Variants in ZMIZ2 observed in about 807,000 individuals in gnomAD.
ZMIZ2 encodes the protein zinc finger MIZ domain-containing protein 2.
In ZMIZ2, 26 loss-of-function variants were observed where a neutral mutation model predicts 93.9. The ratio of observed to expected loss-of-function variants is 0.28; its 90% CI spans 0.20 to 0.38. The LOEUF (loss-of-function observed/expected upper bound fraction) is 0.38, where lower values mean the gene tolerates loss of function less well. ZMIZ2 is among the 10% of genes least tolerant of loss of function. The pLI is 1.00. For missense variants in ZMIZ2, 1,023 were observed against 1,235.0 expected (o/e 0.83, Z 2.57); for synonymous variants, 485 against 516.4 (o/e 0.94, Z 0.82).
chr7:44,749,269 T>TCCC (rs1789920268), intron 1 of ZMIZ2, among the ~76,000 whole-genome samples: 1 of 152,010 alleles, frequency 6.6e-6, no homozygotes, highest in African/African-American at 2.4e-5. Context: ...CATCCAGCCC[T>TCCC]CCCCTGAGTC....
At chr7:44,759,795 T>C (rs1790982247) in intron 7 of ZMIZ2, 1 of 448,994 alleles carries the variant, frequency 2.2e-6, no homozygotes, top group Middle Eastern at 5.8e-4. Flanking sequence ...GTGTCATTCC[T>C]TCTACTTGCT....
chr7:44,766,606 C>A lies in ZMIZ2; in HGVS notation c.2598C>A (p.Gly866=), dbSNP rs888299846. The A allele has an allele frequency of 3.7e-6, 6 of 1,613,270 alleles. No individual in the cohort carries two copies. The highest frequency in any genetic ancestry group is 1.7e-5 in the Admixed American group (1 of 59,998). The stretch of plus-strand genomic sequence containing the variant: ...AACTGGCCTTCAGTCCTGCCACAGG[C>A]GTGATGGGGCCCCCCAGCATGTCTG... ...TGELAFSPAT[G]VMGPPSMSGA... The change falls in exon 18 of 19, where the codon GGC becomes GGA. Residue 866 remains glycine, a synonymous_variant. Coordinates refer to ENST00000309315, the MANE Select transcript of ZMIZ2 (RefSeq NM_031449.4). This position sits in a 1 kb window ranked among gnomAD's most constrained non-coding sequence, Gnocchi z 4.4.
rs199813267 is a variant in ZMIZ2 at position 44,766,616 on chromosome 7, C to A, written c.2608C>A (p.Pro870Thr). ...CAGTCCTGCCACAGGCGTGATGGGGCCCCCCAGCATGTCTGGAGCCGGGGA... is the reference window on the plus strand; with the variant it reads ...CAGTCCTGCCACAGGCGTGATGGGGACCCCCAGCATGTCTGGAGCCGGGGA... ...AFSPATGVMG[P>T]PSMSGAGEAP... is the part of the protein sequence containing the mutation. Residue 870 changes from proline to threonine, a missense_variant, in exon 18 of 19, where the codon CCC (proline) becomes ACC (threonine). By Grantham distance (38) the Pro-to-Thr change is conservative (BLOSUM62 -1). Around this residue, in one of 3 missense-constraint regions of ZMIZ2, gnomAD observed 319 missense variants for 358.8 expected, o/e 0.89. Coordinates refer to ENST00000309315, the MANE Select transcript of ZMIZ2 (RefSeq NM_031449.4). The surrounding 1 kb of genome is among the most constrained non-coding windows in gnomAD (Gnocchi z 4.4). The A allele has an allele frequency of 1.9e-6, 3 of 1,613,316 alleles. No homozygotes were observed. Among genetic ancestry groups the A allele is most frequent in the South Asian group, 1.1e-5 (1 of 91,078 alleles).
intron 1 of ZMIZ2, among the ~76,000 whole-genome samples, chr7:44,750,511 CAGTG>C (rs1247418609): frequency 5.9e-5 from 9 of 152,188 alleles, no homozygotes; most frequent in African/African-American, 1.2e-4. Context: ...ATCTTGGAGA[CAGTG>C]AGTCCTGATG....
At position 44,767,733 on chromosome 7, in the gene ZMIZ2, CA is replaced by C; in HGVS notation, c.*114del. The C allele has an allele frequency of 1.3e-5, 12 of 936,874 alleles. No individual in the cohort carries two copies. In the South Asian group the frequency reaches 1.7e-4, roughly 14 times the overall value. 58.0% of individuals were successfully genotyped at this position (936,874 alleles called of 1,614,324 possible). A position where few individuals can be genotyped will look rare whatever the true frequency, so the allele number is the denominator to read the frequency against. On this transcript the variant is annotated 3_prime_UTR_variant, in exon 19 of 19. Transcript: ENST00000309315. Reference sequence around the variant, plus strand: ...CCGGTGGTCTTTCCCAAACCTCCCCCAAAACACACCTGGAGCCAGAGCCTTC... The same window carrying C: ...CCGGTGGTCTTTCCCAAACCTCCCCCAAACACACCTGGAGCCAGAGCCTTC...
chr7:44,759,102 A>C lies in ZMIZ2; in HGVS notation c.814-179A>C, dbSNP rs949496886. On this transcript the variant is annotated intron_variant, in intron 6 of 18. Transcript: ENST00000309315. ...CTCAAATTAAAAAAAAAAAAAAAAA[A>C]AAAAACAGGCTTCTGCATGTGAGAA... Among the ~76,000 whole-genome samples the C allele has an allele frequency of 2.0e-5, 3 of 150,486 alleles. No homozygotes were observed. The East Asian group carries it at 5.8e-4, about 29-fold the overall frequency.
rs972935794 is a variant in ZMIZ2 at position 44,768,470 on chromosome 7, G to A, written c.*847G>A. 5.3e-5 allele frequency: 8 copies of A among 152,306 alleles called. No individual in the cohort carries two copies. The highest frequency in any genetic ancestry group is 1.4e-4 in the African/African-American group (6 of 41,464). 9.4% of individuals were successfully genotyped at this position (152,306 alleles called of 1,614,324 possible). A position where few individuals can be genotyped will look rare whatever the true frequency, so the allele number is the denominator to read the frequency against. Reference sequence around the variant, plus strand: ...AGCTCTGTGTAAAGATTCTCTAGCGGGCTGCGCTCCCAAGTTCCCCTTCTC... The same window carrying A: ...AGCTCTGTGTAAAGATTCTCTAGCGAGCTGCGCTCCCAAGTTCCCCTTCTC... On this transcript the variant is annotated 3_prime_UTR_variant, in exon 19 of 19. Transcript: ENST00000309315.
In ZMIZ2 at chr7:44,759,480, GC is replaced by G; in HGVS notation, c.993+23del. 1 of 1,458,306 alleles carries G rather than the reference GC, an allele frequency of 6.9e-7. No individual in the cohort carries two copies. Among genetic ancestry groups the G allele is most frequent in the Non-Finnish European group, 9.1e-7 (1 of 1,101,666 alleles). 90.3% of individuals were successfully genotyped at this position (1,458,306 alleles called of 1,614,324 possible). A position where few individuals can be genotyped will look rare whatever the true frequency, so the allele number is the denominator to read the frequency against. ...TATAAGGTAGGGCAGGCTCCTCCAG[GC>G]CCTGTGCCGGGCTCCGTGCTGAGTG... On this transcript the variant is annotated intron_variant, in intron 7 of 18. Coordinates refer to ENST00000309315, the MANE Select transcript of ZMIZ2 (RefSeq NM_031449.4).
At position 44,757,572 on chromosome 7, in the gene ZMIZ2, T is replaced by G. The variant is rs1197316912; in HGVS notation, c.552+11T>G. The G allele has an allele frequency of 1.3e-6, 2 of 1,577,864 alleles. No homozygotes were observed. The highest frequency in any genetic ancestry group is 1.7e-6 in the Non-Finnish European group (2 of 1,159,486). Reference sequence around the variant, plus strand: ...AGCCAGTATGGAGCGGTGAGCCCCCTCAGCAGCTCCTCCCACATGGCAGCC... The same window carrying G: ...AGCCAGTATGGAGCGGTGAGCCCCCGCAGCAGCTCCTCCCACATGGCAGCC... On this transcript the variant is annotated intron_variant, in intron 5 of 18. Transcript: ENST00000309315.
In ZMIZ2 at chr7:44,767,519, C is replaced by G. The variant is rs771729506; in HGVS notation, c.2659C>G (p.Leu887Val). ...ACAGAGTTCACTTTGTCCTCAGCTG[C>G]TCCCGGAACTGACCAACCCTGATGA... is the stretch of plus-strand genomic sequence containing the variant. Reference protein sequence around the residue: ...GEAPEPALDLLPELTNPDELL... With the variant: ...GEAPEPALDLVPELTNPDELL... Residue 887 changes from leucine to valine, a missense_variant, in exon 19 of 19, where the codon CTC (leucine) becomes GTC (valine). Leu to Val is a conservative substitution (Grantham distance 32). This residue lies in a region of ZMIZ2 where 319 missense variants were observed against 358.8 expected (regional missense o/e 0.89). Transcript: ENST00000309315. 9.9e-6 allele frequency: 16 copies of G among 1,613,884 alleles called. No individual in the cohort carries two copies. The East Asian group carries it at 3.6e-4, about 36-fold the overall frequency.
chr7:44,765,606 C>A lies in ZMIZ2; in HGVS notation c.2242+27C>A, dbSNP rs779657840. ...TAAGTACAGCAGGCTAGCCTTGAAC[C>A]TCAGATGACCCTGGGCATATGGCTC... On this transcript the variant is annotated intron_variant, in intron 16 of 18. Coordinates refer to ENST00000309315, the MANE Select transcript of ZMIZ2 (RefSeq NM_031449.4). The surrounding 1 kb of genome is among the most constrained non-coding windows in gnomAD (Gnocchi z 4.1). 2 of 1,583,446 alleles carry A rather than the reference C, an allele frequency of 1.3e-6. No homozygotes were observed. Among genetic ancestry groups the A allele is most frequent in the Admixed American group, 3.4e-5 (2 of 59,434 alleles).
chr7:44,765,618 T>G lies in ZMIZ2; in HGVS notation c.2242+39T>G. 6.5e-7 allele frequency: 1 copy of G among 1,546,066 alleles called. No homozygotes were observed. The highest frequency in any genetic ancestry group is 2.4e-5 in the East Asian group (1 of 41,956). On this transcript the variant is annotated intron_variant, in intron 16 of 18. Transcript: ENST00000309315. The surrounding 1 kb of genome is among the most constrained non-coding windows in gnomAD (Gnocchi z 4.1). ...GCTAGCCTTGAACCTCAGATGACCC[T>G]GGGCATATGGCTCCTCTCCCCAGAT...
At chr7:44,753,434 G>A (rs947680815) in intron 1 of ZMIZ2, among the ~76,000 whole-genome samples, 3 of 151,956 alleles carry the variant, frequency 2.0e-5, no homozygotes, top group Non-Finnish European at 4.4e-5. Flanking sequence ...TTGAGGAGTC[G>A]GGGGTCTCAC....
Position 44,763,099 on chromosome 7 carries a change from G to A in ZMIZ2, c.1702+113G>A. 1 of 1,441,306 alleles carries A rather than the reference G, an allele frequency of 6.9e-7. No homozygotes were observed. Among genetic ancestry groups the A allele is most frequent in the Non-Finnish European group, 9.5e-7 (1 of 1,050,544 alleles). 89.3% of individuals were successfully genotyped at this position (1,441,306 alleles called of 1,614,324 possible). On this transcript the variant is annotated intron_variant, in intron 12 of 18. Coordinates refer to ENST00000309315, the MANE Select transcript of ZMIZ2 (RefSeq NM_031449.4). This position sits in a 1 kb window ranked among gnomAD's most constrained non-coding sequence, Gnocchi z 5.6. ...CGTGTCACACCAGGCCTTCTCCTTG[G>A]ACAGGTGGCTCTGCAGTAGGGGCAG...
rs1791156736 is a variant in ZMIZ2 at position 44,761,356 on chromosome 7, G to A, written c.1241-93G>A. 1.2e-5 allele frequency: 18 copies of A among 1,540,408 alleles called. No individual in the cohort carries two copies. The highest frequency in any genetic ancestry group is 1.2e-5 in the Non-Finnish European group (14 of 1,149,214). ...GCTCCCTTCACCAAGGTCCCTGCGG[G>A]GAAGGTGGCTGGGGAGCCGCTGCCC... On this transcript the variant is annotated intron_variant, in intron 9 of 18. Transcript: ENST00000309315. The surrounding 1 kb of genome is among the most constrained non-coding windows in gnomAD (Gnocchi z 5.8).
Position 44,766,682 on chromosome 7 carries a change from G to A in ZMIZ2, c.2655+19G>A, listed in dbSNP as rs761024056. 1.2e-6 allele frequency: 2 copies of A among 1,610,020 alleles called. No individual in the cohort carries two copies. The highest frequency in any genetic ancestry group is 8.5e-7 in the Non-Finnish European group (1 of 1,177,710). On this transcript the variant is annotated intron_variant, in intron 18 of 18. Coordinates refer to ENST00000309315, the MANE Select transcript of ZMIZ2 (RefSeq NM_031449.4). This position sits in a 1 kb window ranked among gnomAD's most constrained non-coding sequence, Gnocchi z 4.4. ...TCTGGACGTGAGTACCAGGCCCCAT[G>A]CGGGGGAGTGCGTGGGAGCCAGGGC... is the stretch of plus-strand genomic sequence containing the variant.
Position 44,767,967 on chromosome 7 carries a change from C to A in ZMIZ2, c.*344C>A. 1 of 371,896 alleles carries A rather than the reference C, an allele frequency of 2.7e-6. No homozygotes were observed. The allele number at this position is 371,896 out of a possible 1,614,324, so 23.0% of individuals were successfully genotyped here. On this transcript the variant is annotated 3_prime_UTR_variant, in exon 19 of 19. Transcript: ENST00000309315. ...AGCCTCACACCTTGTCCTTCCACCC[C>A]TGCCTGCCCCCACCCAGCCTGCTTC...
chr7:44,762,782 C>G (rs1583648033), intron 11 of ZMIZ2, 99 bp from the exon 12 acceptor site: 1 of 833,754 alleles, frequency 1.2e-6, no homozygotes, highest in Non-Finnish European at 1.7e-6. Flanking sequence ...CCTCCCCCAC[C>G]TGGCAGCCCC....
Position 44,765,543 on chromosome 7 carries a change from C to G in ZMIZ2, c.2206C>G (p.Pro736Ala). The change falls in exon 16 of 19, where the codon CCC becomes GCC. Residue 736 changes from proline to alanine, a missense_variant. Physicochemically the swap from Pro to Ala is conservative, Grantham distance 27. Transcript: ENST00000309315. This position sits in a 1 kb window ranked among gnomAD's most constrained non-coding sequence, Gnocchi z 4.1. ...GAAPFAPLQPPSVPAPSDYPG... is the reference protein window; with the variant it reads ...GAAPFAPLQPASVPAPSDYPG... ...TGCCCCCTTTGCCCCCCTGCAGCCC[C>G]CCTCAGTCCCTGCCCCCAGCGACTA... is the stretch of plus-strand genomic sequence containing the variant. 1 of 1,478,722 alleles carries G rather than the reference C, an allele frequency of 6.8e-7. No individual in the cohort carries two copies. Among genetic ancestry groups the G allele is most frequent in the Non-Finnish European group, 9.0e-7 (1 of 1,107,424 alleles). 91.6% of individuals were successfully genotyped at this position (1,478,722 alleles called of 1,614,324 possible). A position where few individuals can be genotyped will look rare whatever the true frequency, so the allele number is the denominator to read the frequency against.
Sources: allele counts gnomAD v4.1 joint callset (sites outside exome capture counted in the v4.1 genomes callset), GRCh38; gene constraint gnomAD v4.1.1; regional missense constraint gnomAD v4.1.1; non-coding constraint Gnocchi (gnomAD v3.1); transcripts MANE v1.5; gene names NCBI Gene and HGNC (gene_info 2026-07-23, HGNC 2026-07-21).